MUC7: variants seen among roughly 807,000 people sequenced by gnomAD.
The protein encoded by MUC7 is mucin-7.
Under a neutral mutation model 2.5 loss-of-function variants are expected in MUC7, and 2 were observed. The ratio of observed to expected loss-of-function variants is 0.81; its 90% confidence interval spans 0.33 to 2.55. The LOEUF is 2.55. Among genes scored for constraint, MUC7 ranks in the 30% most tolerant of loss-of-function variants. The pLI, the probability that MUC7 is intolerant of heterozygous loss-of-function variation, is 0.11. For synonymous variants in MUC7, 133 were observed against 173.4 expected, an observed-to-expected ratio of 0.77 and a Z score of 1.83; for missense variants, 408 against 455.6, an observed-to-expected ratio of 0.90 and a Z score of 0.95.
chr4:70,453,274 A>G (rs1329650652), intron 1 of MUC7, among the ~76,000 whole-genome samples: 3 of 152,238 alleles, frequency 2.0e-5, no homozygotes, highest in African/African-American at 7.2e-5. Context: ...AACAGGGACT[A>G]GAGTCAAAAT....
intron 1 of MUC7, among the ~76,000 whole-genome samples, chr4:70,432,646 T>TGTCGG (rs1560542020): frequency 3.0e-4 from 45 of 151,636 alleles, no homozygotes; most frequent in Non-Finnish European, 5.6e-4. Context: ...ATTAGCCCTT[T>TGTCGG]AGTAGATTGC....
chr4:70,439,058 G>A (rs960208506), intron 1 of MUC7, among the ~76,000 whole-genome samples: 1 of 152,144 alleles, frequency 6.6e-6, no homozygotes, highest in Admixed American at 6.5e-5. Context: ...TAAAGAAATT[G>A]TTTTAGACAG....
chr4:70,441,293 G>A (rs1733998766), intron 1 of MUC7, among the ~76,000 whole-genome samples: 1 of 152,054 alleles, frequency 6.6e-6, no homozygotes, highest in Non-Finnish European at 1.5e-5. Context: ...GGATGATAAT[G>A]CTAATGAAAG....
chr4:70,471,580 C>T (rs1321237832), upstream of MUC7, among the ~76,000 whole-genome samples: 1 of 152,068 alleles, frequency 6.6e-6, no homozygotes, highest in Non-Finnish European at 1.5e-5. Flanking sequence ...AGATATATAG[C>T]AAAATGTTAA....
chr4:70,450,721 G>C (rs1489074459), intron 1 of MUC7, among the ~76,000 whole-genome samples: 1 of 152,106 alleles, frequency 6.6e-6, no homozygotes, highest in Non-Finnish European at 1.5e-5. Flanking sequence ...TTCTGGCCCA[G>C]AGTGTGTCAA....
intron 1 of MUC7, among the ~76,000 whole-genome samples, chr4:70,460,949 T>C (rs1734541556): frequency 6.6e-6 from 1 of 152,220 alleles, no homozygotes; most frequent in African/African-American, 2.4e-5. Flanking sequence ...AGTCTCCAGA[T>C]CACTGCGTAT....
At chr4:70,443,513 C>G (rs1734053873) in intron 1 of MUC7, among the ~76,000 whole-genome samples, 1 of 152,064 alleles carries the variant, frequency 6.6e-6, no homozygotes, top group African/African-American at 2.4e-5. Flanking sequence ...GCAACAAAAC[C>G]CATATCAACC....
intron 1 of MUC7, among the ~76,000 whole-genome samples, chr4:70,465,784 A>G (rs1368077065): frequency 6.6e-6 from 1 of 152,224 alleles, no homozygotes; most frequent in East Asian, 1.9e-4. Flanking sequence ...GGTGTACATG[A>G]AAGTGATGGG....
chr4:70,443,952 C>T (rs1176609267), intron 1 of MUC7, among the ~76,000 whole-genome samples: 2 of 152,184 alleles, frequency 1.3e-5, no homozygotes, highest in Non-Finnish European at 2.9e-5. Context: ...TAATCCAGTT[C>T]TTTCTTGTAA....
At chr4:70,451,775 C>T (rs559100379) in intron 1 of MUC7, among the ~76,000 whole-genome samples, 5 of 152,142 alleles carry the variant, frequency 3.3e-5, no homozygotes, top group African/African-American at 1.2e-4. Context: ...TGTATTAGGT[C>T]TATTTGTTCT....
At chr4:70,449,257 A>G (rs1312841841) in intron 1 of MUC7, among the ~76,000 whole-genome samples, 1 of 152,154 alleles carries the variant, frequency 6.6e-6, no homozygotes, top group African/African-American at 2.4e-5. Flanking sequence ...GGTAATTTAT[A>G]CAGAAGAGGT....
chr4:70,462,708 C>T (rs1734586204), intron 1 of MUC7, among the ~76,000 whole-genome samples: 2 of 152,166 alleles, frequency 1.3e-5, no homozygotes, highest in Non-Finnish European at 2.9e-5. Context: ...TGCAATGGCT[C>T]ATGCCTGTAA....
At chr4:70,432,368 T>G (rs1364988733) in intron 1 of MUC7, among the ~76,000 whole-genome samples, 1 of 152,226 alleles carries the variant, frequency 6.6e-6, no homozygotes, top group Non-Finnish European at 1.5e-5. Context: ...CCACCAACAG[T>G]GTAAAAGTGT....
intron 1 of MUC7, among the ~76,000 whole-genome samples, chr4:70,442,236 CT>C (rs780068361): frequency 6.6e-6 from 1 of 152,166 alleles, no homozygotes; most frequent in Non-Finnish European, 1.5e-5. Context: ...TCAACATACT[CT>C]TTTTGCATTT....
chr4:70,459,453 A>G (rs1446527477), intron 1 of MUC7, among the ~76,000 whole-genome samples: 4 of 152,160 alleles, frequency 2.6e-5, no homozygotes, highest in Admixed American at 2.6e-4. Context: ...GCGAGGAGGG[A>G]TAGCATTAGG....
intron 1 of MUC7, among the ~76,000 whole-genome samples, chr4:70,436,889 A>G (rs2109700419): frequency 6.6e-6 from 1 of 152,036 alleles, no homozygotes; most frequent in South Asian, 2.1e-4. Context: ...TTTGGTGTGG[A>G]TGTCCTTTTT....
chr4:70,439,570 C>T (rs1481732555), intron 1 of MUC7, among the ~76,000 whole-genome samples: 1 of 152,046 alleles, frequency 6.6e-6, no homozygotes, highest in East Asian at 1.9e-4. Flanking sequence ...TAAAAGTACA[C>T]ATTAATATGT....
chr4:70,445,696 A>G (rs1734114970), intron 1 of MUC7, among the ~76,000 whole-genome samples: 1 of 152,190 alleles, frequency 6.6e-6, no homozygotes, highest in Non-Finnish European at 1.5e-5. Context: ...AAGTAAGACA[A>G]CAATGCTTCC....
chr4:70,477,532 T>A (rs1735038595), intron 2 of MUC7, among the ~76,000 whole-genome samples: 1 of 152,108 alleles, frequency 6.6e-6, no homozygotes, highest in African/African-American at 2.4e-5. Context: ...ATTTTAGGAG[T>A]CTTCTGCTTT....
Sources: gnomAD v4.1 joint callset for allele counts (sites outside exome capture counted in the v4.1 genomes callset) on GRCh38, gnomAD v4.1.1 for gene constraint, MANE v1.5 for transcripts, NCBI Gene and HGNC (gene_info 2026-07-23, HGNC 2026-07-21) for gene names.